The following NAA11 variants were observed in gnomAD, a reference collection of about 807,000 sequenced individuals.
NAA11 encodes the protein N-alpha-acetyltransferase 11, NatA catalytic subunit, also known as N-alpha-acetyltransferase 11.
A neutral mutation model predicts 16.1 loss-of-function variants in NAA11; 15 were observed. The observed-to-expected ratio is 0.93, with a 90% CI of 0.62 to 1.44. NAA11 has a LOEUF of 1.44. Ranked by LOEUF, NAA11 falls within the 40% of genes most tolerant of loss-of-function variation. The pLI is 0.00. For missense variants in NAA11, 298 were observed against 291.3 expected, an observed-to-expected ratio of 1.02 and a Z score of -0.17; for synonymous variants, 122 against 112.4, an observed-to-expected ratio of 1.09 and a Z score of -0.54.
the NAA11 span, among the ~76,000 whole-genome samples, chr4:79,190,461 T>TTG: frequency 6.6e-6 from 1 of 150,782 alleles, no homozygotes; most frequent in African/African-American, 2.5e-5. Flanking sequence ...TCTCCCTTTT[T>TTG]TTTTTTTAAA....
intron 1 of NAA11, among the ~76,000 whole-genome samples, chr4:79,323,602 C>T (rs1432623041): frequency 1.3e-5 from 2 of 152,120 alleles, no homozygotes; most frequent in African/African-American, 4.8e-5. Flanking sequence ...GGACGCATCA[C>T]GAGGTCAGGA....
the NAA11 span, among the ~76,000 whole-genome samples, chr4:79,204,261 C>T: frequency 9.2e-5 from 14 of 151,842 alleles, no homozygotes; most frequent in East Asian, 9.7e-4. Context: ...ATGTACTCAA[C>T]ACGCAACAAT....
At chr4:79,319,468 G>A (rs1724027823) in intron 1 of NAA11, among the ~76,000 whole-genome samples, 1 of 152,002 alleles carries the variant, frequency 6.6e-6, no homozygotes, top group Non-Finnish European at 1.5e-5. Flanking sequence ...TTGAATCATT[G>A]CCCATTCAAA....
chr4:79,259,333 CTGGTGGCAGCTGTGGAAGCTGCTTG>C (rs1313509436), intron 2 of NAA11, among the ~76,000 whole-genome samples: 7 of 152,194 alleles, frequency 4.6e-5, no homozygotes, highest in Admixed American at 1.3e-4. Context: ...ACCACATTCC[CTGGTGGCAGCTGTGGAAGCTGCTTG>C]TGGTGTACCT....
chr4:79,226,466 A>G (rs1156917845), intron 2 of NAA11, among the ~76,000 whole-genome samples: 17 of 151,990 alleles, frequency 1.1e-4, no homozygotes, highest in Admixed American at 1.1e-3. Flanking sequence ...TCTAGGGTAC[A>G]TGTGCACAAC....
the NAA11 span, among the ~76,000 whole-genome samples, chr4:79,161,212 G>C: frequency 6.6e-6 from 1 of 152,108 alleles, no homozygotes; most frequent in Admixed American, 6.5e-5. Flanking sequence ...TTCTTTCCCT[G>C]TTGCGCAGGC....
At chr4:79,158,794 G>T in the NAA11 span, among the ~76,000 whole-genome samples, 4 of 150,480 alleles carry the variant, frequency 2.7e-5, no homozygotes, top group Non-Finnish European at 5.9e-5. Context: ...AGAATAGAGA[G>T]CACAAAATAA....
intron 2 of NAA11, among the ~76,000 whole-genome samples, chr4:79,256,825 A>G (rs1184096775): frequency 6.6e-6 from 1 of 151,010 alleles, no homozygotes; most frequent in African/African-American, 2.4e-5. Context: ...GCTAATTTTT[A>G]TATTTTTTGT....
chr4:79,254,755 T>C (rs1722069884), intron 2 of NAA11, among the ~76,000 whole-genome samples: 1 of 151,670 alleles, frequency 6.6e-6, no homozygotes. Flanking sequence ...TGAAGGTTTG[T>C]TATTGATGAA....
In NAA11 at chr4:79,325,449, A is replaced by T; in HGVS notation, c.429T>A (p.Asp143Glu). Residue 143 changes from aspartate to glutamate, a missense_variant, in exon 1 of 2, where the codon GAT becomes GAA. By Grantham distance (45) the Asp-to-Glu change is conservative. Coordinates refer to ENST00000286794, the MANE Select transcript of NAA11 (RefSeq NM_032693.3). The part of the protein sequence containing the change: ...VEPKYYADGE[D>E]AYAMKRDLSQ... ...AGAGATCCCGCTTCATAGCATAAGC[A>T]TCTTCCCCATCTGCATAGTATTTAG... 1 of 1,614,190 alleles carries T rather than the reference A, an allele frequency of 6.2e-7. No homozygotes were observed. The highest frequency in any genetic ancestry group is 8.5e-7 in the Non-Finnish European group (1 of 1,180,030).
At chr4:79,161,577 T>C in the NAA11 span, among the ~76,000 whole-genome samples, 2 of 152,178 alleles carry the variant, frequency 1.3e-5, no homozygotes, top group Non-Finnish European at 2.9e-5. Context: ...AGATATTAAT[T>C]GGGATTGCAT....
chr4:79,238,618 A>G (rs1481143610), intron 2 of NAA11, among the ~76,000 whole-genome samples: 2 of 152,168 alleles, frequency 1.3e-5, no homozygotes, highest in Non-Finnish European at 2.9e-5. Flanking sequence ...GGGGAGTACA[A>G]TCTCAGGGTA....
At chr4:79,261,227 T>A (rs901337382) in intron 2 of NAA11, among the ~76,000 whole-genome samples, 1 of 152,226 alleles carries the variant, frequency 6.6e-6, no homozygotes, top group Non-Finnish European at 1.5e-5. Context: ...TTGGAAAATT[T>A]GGGCTCTTCT....
At chr4:79,311,417 CT>C (rs1723765594) in intron 1 of NAA11, among the ~76,000 whole-genome samples, 1 of 152,090 alleles carries the variant, frequency 6.6e-6, no homozygotes, top group Non-Finnish European at 1.5e-5. Flanking sequence ...GCATCTTTGA[CT>C]TTCTAACAGC....
At chr4:79,202,623 T>TTATATATATATATATGTATA in the NAA11 span, among the ~76,000 whole-genome samples, 6 of 52,636 alleles carry the variant, frequency 1.1e-4, no homozygotes, top group African/African-American at 2.7e-4. Context: ...ATATATAGTT[T>TTATATATATATATATGTATA]TATATATATA....
At chr4:79,172,027 T>G in the NAA11 span, among the ~76,000 whole-genome samples, 1 of 152,072 alleles carries the variant, frequency 6.6e-6, no homozygotes, top group Non-Finnish European at 1.5e-5. Flanking sequence ...ACTTAGGACA[T>G]TAAGAAGAAT....
chr4:79,201,974 A>G, the NAA11 span, among the ~76,000 whole-genome samples: 2 of 151,682 alleles, frequency 1.3e-5, no homozygotes, highest in African/African-American at 4.8e-5. Context: ...GTTTCAATGC[A>G]TGTATACATT....
chr4:79,196,979 A>G, the NAA11 span, among the ~76,000 whole-genome samples: 7,748 of 124,134 alleles, frequency 0.062, 123 homozygotes, highest in African/African-American at 0.095. Flanking sequence ...AAAAAAAAAA[A>G]AAAGAAAGAA....
At chr4:79,240,149 C>G (rs1309843013) in intron 2 of NAA11, among the ~76,000 whole-genome samples, 1 of 152,176 alleles carries the variant, frequency 6.6e-6, no homozygotes, top group Non-Finnish European at 1.5e-5. Context: ...ATTGAACTCA[C>G]AGAATAATTT....
Sources: gnomAD v4.1 joint callset for allele counts (sites outside exome capture counted in the v4.1 genomes callset) on GRCh38, gnomAD v4.1.1 for gene constraint, MANE v1.5 for transcripts, NCBI Gene and HGNC (gene_info 2026-07-23, HGNC 2026-07-21) for gene names.